The following LDB2 variants were observed in gnomAD, a reference collection of about 807,000 sequenced individuals.
LDB2 encodes LIM domain binding 2, also known as LIM domain-binding protein 2.
LDB2 carries 12 observed loss-of-function variants against 44.3 expected under a neutral mutation model. That is an observed-to-expected ratio of 0.27 (90% CI 0.17 to 0.44). The LOEUF (loss-of-function observed/expected upper bound fraction) is 0.44, where lower values mean the gene tolerates loss of function less well. Among genes scored for constraint, LDB2 ranks in the 20% least tolerant of loss-of-function variants. The probability of loss-of-function intolerance (pLI) is 1.00; values close to 1 mark genes in which losing one functional copy is unlikely to be tolerated. For synonymous variants in LDB2, 164 were observed against 174.8 expected (o/e 0.94, Z 0.49); for missense variants, 344 against 473.5 (o/e 0.73, Z 2.54).
intron 2 of LDB2, among the ~76,000 whole-genome samples, chr4:16,725,939 A>T (rs888186962): frequency 6.7e-6 from 1 of 148,470 alleles, no homozygotes. Flanking sequence ...ATAAATATAC[A>T]TTATATGTAT....
chr4:16,775,907 C>A (rs1398098895), intron 1 of LDB2, among the ~76,000 whole-genome samples: 1 of 152,190 alleles, frequency 6.6e-6, no homozygotes, highest in African/African-American at 2.4e-5. Flanking sequence ...AACCTCAAAT[C>A]CACAGTTGCA....
At position 16,696,477 on chromosome 4, in the gene LDB2, C is replaced by T. The variant is rs6814893; in HGVS notation, c.235+62681G>A. The stretch of plus-strand genomic sequence containing the variant: ...TAGTATATATAAAAGAAAAGGTCAG[C>T]TCTAAGAATCAAAATTAGTTGTCTC... On this transcript the variant is annotated intron_variant, in intron 2 of 7. Coordinates refer to ENST00000304523, the MANE Select transcript of LDB2 (RefSeq NM_001290.5). Among the ~76,000 whole-genome samples, 545 of 152,220 alleles carry T rather than the reference C, an allele frequency of 3.6e-3. 2 individuals are homozygous for T. The highest frequency in any genetic ancestry group is 0.012 in the African/African-American group (512 of 41,534).
chr4:16,686,750 T>C (rs1397203539), intron 2 of LDB2, among the ~76,000 whole-genome samples: 1 of 152,190 alleles, frequency 6.6e-6, no homozygotes, highest in Non-Finnish European at 1.5e-5. Flanking sequence ...AATCAATCAA[T>C]CAATGAGGAA....
chr4:16,548,706 A>G (rs1010025732), intron 5 of LDB2, among the ~76,000 whole-genome samples: 4 of 152,242 alleles, frequency 2.6e-5, no homozygotes, highest in Non-Finnish European at 5.9e-5. Context: ...CTACCAAATT[A>G]TAGTCCTAAA....
chr4:16,703,528 G>C (rs1753959812), intron 2 of LDB2, among the ~76,000 whole-genome samples: 1 of 152,186 alleles, frequency 6.6e-6, no homozygotes, highest in Non-Finnish European at 1.5e-5. Context: ...GAATAAGACA[G>C]CTGTGTCTAC....
chr4:16,545,753 G>A (rs1735523457), intron 5 of LDB2, among the ~76,000 whole-genome samples: 1 of 152,156 alleles, frequency 6.6e-6, no homozygotes, highest in South Asian at 2.1e-4. Context: ...CTAATGAGAA[G>A]AAAAACTGCC....
At chr4:16,692,500 T>C (rs1236792534) in intron 2 of LDB2, among the ~76,000 whole-genome samples, 1 of 152,198 alleles carries the variant, frequency 6.6e-6, no homozygotes, top group Non-Finnish European at 1.5e-5. Flanking sequence ...GCCCTGAACA[T>C]GTAATATTTA....
chr4:16,700,951 AGTGT>A (rs1560927380), intron 2 of LDB2, among the ~76,000 whole-genome samples: 1 of 152,182 alleles, frequency 6.6e-6, no homozygotes, highest in Non-Finnish European at 1.5e-5. Context: ...TTTTGCATTG[AGTGT>A]GTGTTTTACA....
intron 2 of LDB2, among the ~76,000 whole-genome samples, chr4:16,756,332 C>G (rs1412292348): frequency 6.6e-6 from 1 of 152,078 alleles, no homozygotes; most frequent in Admixed American, 6.5e-5. Context: ...CACCTGCAAT[C>G]CCTGCTACTC....
intron 2 of LDB2, among the ~76,000 whole-genome samples, chr4:16,737,729 A>G (rs146775449): frequency 6.6e-6 from 1 of 152,342 alleles, no homozygotes; most frequent in East Asian, 1.9e-4. Flanking sequence ...AAGAAAACAT[A>G]TAAACTTGGA....
At chr4:16,786,940 C>T (rs1363534118) in intron 1 of LDB2, among the ~76,000 whole-genome samples, 2 of 152,132 alleles carry the variant, frequency 1.3e-5, no homozygotes, top group African/African-American at 4.8e-5. Flanking sequence ...TTCTGGCCTC[C>T]TCAGGGTCCC....
chr4:16,839,848 A>T (rs959040889), intron 1 of LDB2, among the ~76,000 whole-genome samples: 1 of 152,212 alleles, frequency 6.6e-6, no homozygotes, highest in African/African-American at 2.4e-5. Context: ...GTAGATGAGG[A>T]AACTGCTCTG....
chr4:16,628,034 G>A (rs1180020981), intron 2 of LDB2, among the ~76,000 whole-genome samples: 1 of 152,104 alleles, frequency 6.6e-6, no homozygotes, highest in Non-Finnish European at 1.5e-5. Context: ...ATTCCATGTG[G>A]CCAATTCCAA....
At chr4:16,795,047 T>C (rs745871783) in intron 1 of LDB2, among the ~76,000 whole-genome samples, 5 of 151,978 alleles carry the variant, frequency 3.3e-5, no homozygotes, top group African/African-American at 7.3e-5. Context: ...TAGAGGGCGC[T>C]AGGAGCGGGG....
chr4:16,604,119 C>T lies in LDB2; in HGVS notation c.236-8244G>A, dbSNP rs896215825. ...CCTCCTGCCTTGGCTTCCCAAAAGG[C>T]TGGGATTACAGGCATGAGCCATAGT... On this transcript the variant is annotated intron_variant, in intron 2 of 7. Coordinates refer to ENST00000304523, the MANE Select transcript of LDB2 (RefSeq NM_001290.5). 2.0e-5 allele frequency among the ~76,000 whole-genome samples: 3 copies of T among 152,280 alleles called. No homozygotes were observed. In the South Asian group the frequency reaches 6.2e-4, roughly 32 times the overall value.
intron 5 of LDB2, among the ~76,000 whole-genome samples, chr4:16,563,164 T>C (rs1463754788): frequency 6.6e-6 from 1 of 151,746 alleles, no homozygotes; most frequent in Non-Finnish European, 1.5e-5. Flanking sequence ...CATGTATACA[T>C]ATGTAACTAA....
At chr4:16,788,380 A>T (rs1774955016) in intron 1 of LDB2, among the ~76,000 whole-genome samples, 1 of 152,174 alleles carries the variant, frequency 6.6e-6, no homozygotes, top group Non-Finnish European at 1.5e-5. Context: ...ACCTCAAGCA[A>T]CCCTTGGCAA....
At chr4:16,734,344 AAATG>A (rs911555392) in intron 2 of LDB2, among the ~76,000 whole-genome samples, 3 of 152,238 alleles carry the variant, frequency 2.0e-5, no homozygotes, top group African/African-American at 4.8e-5. Context: ...GAGAACGAAT[AAATG>A]AATGAATGAA....
intron 1 of LDB2, among the ~76,000 whole-genome samples, chr4:16,857,698 C>T (rs374456348): frequency 6.6e-6 from 1 of 152,196 alleles, no homozygotes; most frequent in Non-Finnish European, 1.5e-5. Flanking sequence ...TGCTCTTCCT[C>T]GAAATGTTGG....
Sources: allele counts gnomAD v4.1 joint callset (sites outside exome capture counted in the v4.1 genomes callset), GRCh38; gene constraint gnomAD v4.1.1; transcripts MANE v1.5; gene names NCBI Gene and HGNC (gene_info 2026-07-23, HGNC 2026-07-21).